Variants in AIRE observed in about 807,000 individuals in gnomAD.
The protein encoded by AIRE is autoimmune regulator.
Under a neutral mutation model 62.1 loss-of-function variants are expected in AIRE, and 52 were observed. The observed-to-expected ratio is 0.84, with a 90% CI of 0.67 to 1.06. AIRE has a LOEUF of 1.06. AIRE is among the 50% of genes least tolerant of loss of function. The probability of loss-of-function intolerance (pLI) is 0.00; values close to 1 mark genes in which losing one functional copy is unlikely to be tolerated. For missense variants in AIRE, 774 were observed against 755.8 expected, an observed-to-expected ratio of 1.02 and a Z score of -0.28; for synonymous variants, 342 against 321.6, an observed-to-expected ratio of 1.06 and a Z score of -0.68.
Position 44,287,434 on chromosome 21 carries a change from G to A in AIRE, c.464-83G>A, listed in dbSNP as rs958295959. 56 of 982,758 alleles carry A rather than the reference G, an allele frequency of 5.7e-5. No homozygotes were observed. The highest frequency in any genetic ancestry group is 1.3e-4 in the African/African-American group (8 of 61,912). 60.9% of individuals were successfully genotyped at this position (982,758 alleles called of 1,614,324 possible). A position where few individuals can be genotyped will look rare whatever the true frequency, so the allele number is the denominator to read the frequency against. Reference sequence around the variant, plus strand: ...CCCAGCACTGGACCGCCCCCTCCACGCCCTCCCACCGCGGGCCCCTGCCCA... The same window carrying A: ...CCCAGCACTGGACCGCCCCCTCCACACCCTCCCACCGCGGGCCCCTGCCCA... On this transcript the variant is annotated intron_variant, in intron 3 of 13. Coordinates refer to ENST00000291582, the MANE Select transcript of AIRE (RefSeq NM_000383.4). This position sits in a 1 kb window ranked among gnomAD's most constrained non-coding sequence, Gnocchi z 4.3.
chr21:44,292,622 C>G (rs960852001), intron 9 of AIRE, among the ~76,000 whole-genome samples: 2 of 152,200 alleles, frequency 1.3e-5, no homozygotes, highest in Non-Finnish European at 2.9e-5. Flanking sequence ...CCCAGCTCTC[C>G]TGGCTGCGGG....
At position 44,286,749 on chromosome 21, in the gene AIRE, C is replaced by T. The variant is rs562210054; in HGVS notation, c.307+18C>T. 1.9e-6 allele frequency: 3 copies of T among 1,612,154 alleles called. No homozygotes were observed. Among genetic ancestry groups the T allele is most frequent in the Non-Finnish European group, 2.5e-6 (3 of 1,179,482 alleles). On this transcript the variant is annotated intron_variant, in intron 2 of 13. Transcript: ENST00000291582. The surrounding 1 kb of genome is among the most constrained non-coding windows in gnomAD (Gnocchi z 6.0). ...CCCCAAAGGTGGGTCCTGGTGGACT[C>T]AGCCATGCTGGGGGCCTGGGGCAGC...
Position 44,287,668 on chromosome 21 carries a change from C to T in AIRE, c.538+77C>T, listed in dbSNP as rs2146377067. ...GGTCAGGGGTCAGAGCAGGGCCTGC[C>T]CTCTGAGACCCTGTCCTAGGGGCTG... On this transcript the variant is annotated intron_variant, in intron 4 of 13. Transcript: ENST00000291582. This position sits in a 1 kb window ranked among gnomAD's most constrained non-coding sequence, Gnocchi z 4.3. 1 of 1,393,200 alleles carries T rather than the reference C, an allele frequency of 7.2e-7. No homozygotes were observed. The highest frequency in any genetic ancestry group is 9.9e-7 in the Non-Finnish European group (1 of 1,006,686). The allele number at this position is 1,393,200 out of a possible 1,614,324, so 86.3% of individuals were successfully genotyped here.
intron 12 of AIRE, among the ~76,000 whole-genome samples, chr21:44,295,103 G>A (rs559016102): frequency 6.6e-6 from 1 of 152,182 alleles, no homozygotes; most frequent in East Asian, 1.9e-4. Context: ...CCTCCGGGGG[G>A]GTGGCCTCTT....
At position 44,287,454 on chromosome 21, in the gene AIRE, T is replaced by TG; in HGVS notation, c.464-62dup. ...TCCACGCCCTCCCACCGCGGGCCCC[T>TG]GCCCACCGGCACTCACCCCCACTGA... On this transcript the variant is annotated intron_variant, in intron 3 of 13. Transcript: ENST00000291582. The surrounding 1 kb of genome is among the most constrained non-coding windows in gnomAD (Gnocchi z 4.3). The TG allele has an allele frequency of 8.0e-7, 1 of 1,243,012 alleles. No individual in the cohort carries two copies. Among genetic ancestry groups the TG allele is most frequent in the South Asian group, 1.3e-5 (1 of 77,466 alleles). The allele number at this position is 1,243,012 out of a possible 1,614,324, so 77.0% of individuals were successfully genotyped here. A position where few individuals can be genotyped will look rare whatever the true frequency, so the allele number is the denominator to read the frequency against.
chr21:44,286,028 C>G lies in AIRE; in HGVS notation c.22C>G (p.Arg8Gly). Reference sequence around the variant, plus strand: ...CCCCATGGCGACGGACGCGGCGCTACGCCGGCTTCTGAGGCTGCACCGCAC... The same window carrying G: ...CCCCATGGCGACGGACGCGGCGCTAGGCCGGCTTCTGAGGCTGCACCGCAC... MATDAAL[R>G]RLLRLHRTEI... The change falls in exon 1 of 14, where the codon CGC (arginine) becomes GGC (glycine). Residue 8 changes from arginine (R) to glycine (G), a missense_variant. Arg to Gly is a moderately radical substitution (Grantham distance 125). Transcript: ENST00000291582. This position sits in a 1 kb window ranked among gnomAD's most constrained non-coding sequence, Gnocchi z 6.0. 6.5e-7 allele frequency: 1 copy of G among 1,534,874 alleles called. No homozygotes were observed. Among genetic ancestry groups the G allele is most frequent in the Non-Finnish European group, 8.7e-7 (1 of 1,144,952 alleles).
chr21:44,292,601 G>A (rs1158380513), intron 9 of AIRE, among the ~76,000 whole-genome samples, 200 bp downstream of exon 9: 1 of 152,176 alleles, frequency 6.6e-6, no homozygotes, highest in African/African-American at 2.4e-5. Context: ...CATGGTTCCT[G>A]TGGGCCTAAA....
intron 5 of AIRE, 186 bp downstream of exon 5, chr21:44,288,644 G>A (rs531871611): frequency 2.7e-5 from 16 of 586,960 alleles, no homozygotes; most frequent in African/African-American, 1.9e-4. Flanking sequence ...TCTCCCTGTC[G>A]GGGGACCTTC....
chr21:44,293,830 TACGGAC>T lies in AIRE; in HGVS notation c.1321_1326del (p.Thr441_Asp442del). 1 of 1,596,898 alleles carries T rather than the reference TACGGAC, an allele frequency of 6.3e-7. No individual in the cohort carries two copies. The highest frequency in any genetic ancestry group is 8.5e-7 in the Non-Finnish European group (1 of 1,179,590). On this transcript the variant is annotated inframe_deletion, in exon 11 of 14. Coordinates refer to ENST00000291582, the MANE Select transcript of AIRE (RefSeq NM_000383.4). ...CGCGTTGCGGGGTGTGCGGAGATGG[TACGGAC>T]GTGCTGCGGTGTACTCACTGCGCCG...
chr21:44,289,697 C>T lies in AIRE; in HGVS notation c.693C>T (p.Tyr231=), dbSNP rs1601966572. The T allele has an allele frequency of 3.1e-6, 5 of 1,612,804 alleles. No individual in the cohort carries two copies. Among genetic ancestry groups the T allele is most frequent in the Non-Finnish European group, 3.4e-6 (4 of 1,179,970 alleles). Residue 231 remains tyrosine, a synonymous_variant, in exon 6 of 14, where the codon TAC becomes TAT. Transcript: ENST00000291582. ...KKCIQVGGEF[Y]TPSKFEDSGS... is the part of the protein sequence containing the mutation. ...GCATCCAGGTTGGCGGGGAGTTCTA[C>T]ACTCCCAGCAAGTTCGAAGACTCCG...
At chr21:44,290,110 C>G (rs374627046) in intron 7 of AIRE, 42 bp downstream of exon 7, 1 of 1,591,758 alleles carries the variant, frequency 6.3e-7, no homozygotes, top group African/African-American at 1.3e-5. Flanking sequence ...TCTGCCCTTG[C>G]TCCCCTCGGG....
rs1344969907 is a variant in AIRE at position 44,287,097 on chromosome 21, C to T, written c.427C>T (p.Pro143Ser). The change falls in exon 3 of 14, where the codon CCA becomes TCA. Residue 143 changes from proline to serine, a missense_variant. Pro to Ser is a moderately conservative substitution (Grantham distance 74, BLOSUM62 -1). Transcript: ENST00000291582. This position sits in a 1 kb window ranked among gnomAD's most constrained non-coding sequence, Gnocchi z 4.3. ...CTCAGAAGAGGCTCGAGCTGCCGCG[C>T]CAGCAGCCCTGACTCCAAGGGGCAC... ...KASEEARAAA[P>S]AALTPRGTAS... 1 of 1,612,630 alleles carries T rather than the reference C, an allele frequency of 6.2e-7. No individual in the cohort carries two copies. The highest frequency in any genetic ancestry group is 1.1e-5 in the South Asian group (1 of 91,086).
rs72650675 is a variant in AIRE at position 44,289,971 on chromosome 21, G to A, written c.799-17G>A. The A allele has an allele frequency of 1.1e-3, 1,816 of 1,609,522 alleles. 5 individuals are homozygous for A. Among genetic ancestry groups the A allele is most frequent in the Non-Finnish European group, 1.4e-3 (1,678 of 1,178,522 alleles). ...TGCTGAGGCTGCCCCCATTGCTGAC[G>A]CCCCTCTTCCTTGCAGGGTGGAGGT... On this transcript the variant is annotated splice_polypyrimidine_tract_variant and intron_variant, in intron 6 of 13. Coordinates refer to ENST00000291582, the MANE Select transcript of AIRE (RefSeq NM_000383.4).
rs2040477192 is a variant in AIRE, at chr21:44,286,001, C to T, written c.-6C>T. ...CGCCCCAGCCCCGGGTCCCCGCGCC[C>T]ACCCCATGGCGACGGACGCGGCGCT... is the stretch of plus-strand genomic sequence containing the variant. On this transcript the variant is annotated 5_prime_UTR_variant, in exon 1 of 14. Transcript: ENST00000291582. This position sits in a 1 kb window ranked among gnomAD's most constrained non-coding sequence, Gnocchi z 6.0. The T allele has an allele frequency of 6.5e-7, 1 of 1,529,200 alleles. No individual in the cohort carries two copies. The highest frequency in any genetic ancestry group is 8.7e-7 in the Non-Finnish European group (1 of 1,143,178). The allele number at this position is 1,529,200 out of a possible 1,614,324, so 94.7% of individuals were successfully genotyped here. A position where few individuals can be genotyped will look rare whatever the true frequency, so the allele number is the denominator to read the frequency against.
chr21:44,296,831 G>T (rs2040614632), intron 13 of AIRE, among the ~76,000 whole-genome samples: 2 of 152,094 alleles, frequency 1.3e-5, no homozygotes, highest in Admixed American at 6.5e-5. Flanking sequence ...GGGAGTGGGG[G>T]GGGGGTCCCA....
rs1007486307 is a variant in AIRE, at chr21:44,287,357, G to A, written c.464-160G>A. On this transcript the variant is annotated intron_variant, in intron 3 of 13. Transcript: ENST00000291582. This position sits in a 1 kb window ranked among gnomAD's most constrained non-coding sequence, Gnocchi z 4.3. ...CCCGGAGCTGGTGAAGTAGGCGGGC[G>A]GGTCTCATTTCCCTTTTACTGATGA... The A allele has an allele frequency of 2.0e-5, 14 of 714,610 alleles. No individual in the cohort carries two copies. Among genetic ancestry groups the A allele is most frequent in the South Asian group, 9.1e-5 (5 of 55,142 alleles). The allele number at this position is 714,610 out of a possible 1,614,324, so 44.3% of individuals were successfully genotyped here.
Position 44,292,321 on chromosome 21 carries a change from A to G in AIRE, c.1015A>G (p.Ser339Gly), listed in dbSNP as rs919219488. 6 of 1,576,148 alleles carry G rather than the reference A, an allele frequency of 3.8e-6. No homozygotes were observed. The highest frequency in any genetic ancestry group is 1.8e-5 in the Admixed American group (1 of 54,652). The change falls in exon 9 of 14, where the codon AGC becomes GGC. Residue 339 changes from serine to glycine, a missense_variant. By Grantham distance (56) the Ser-to-Gly change is moderately conservative. Coordinates refer to ENST00000291582, the MANE Select transcript of AIRE (RefSeq NM_000383.4). ...GAGCAGTGGGACCTGGAGGTGCTCC[A>G]GCTGCCTGCAGGCAACAGTCCAGGA... ...EIPSGTWRCS[S>G]CLQATVQEVQ...
In AIRE at chr21:44,286,689, C is replaced by CGCTAT; in HGVS notation, c.267_271dup (p.Gly91AlafsTer58). The CGCTAT allele has an allele frequency of 6.2e-7, 1 of 1,613,044 alleles. No homozygotes were observed. On this transcript the variant is annotated frameshift_variant, in exon 2 of 14. Coordinates refer to ENST00000291582, the MANE Select transcript of AIRE (RefSeq NM_000383.4). LOFTEE classifies it high-confidence loss of function. The surrounding 1 kb of genome is among the most constrained non-coding windows in gnomAD (Gnocchi z 6.0). ...GCTGTTCAAGGACTACAACCTGGAG[C>CGCTAT]GCTATGGCCGGCTGCAGCCCATCCT...
At chr21:44,293,240 T>C in intron 10 of AIRE, 65 bp downstream of exon 10, 3 of 1,435,110 alleles carry the variant, frequency 2.1e-6, no homozygotes, top group Non-Finnish European at 2.8e-6. Context: ...GGCGGATGAA[T>C]TCACCTGAAA....
Sources: allele counts gnomAD v4.1 joint callset (sites outside exome capture counted in the v4.1 genomes callset), GRCh38; gene constraint gnomAD v4.1.1; non-coding constraint Gnocchi (gnomAD v3.1); transcripts MANE v1.5; gene names NCBI Gene and HGNC (gene_info 2026-07-23, HGNC 2026-07-21).